The following ZNF679 variants were observed in gnomAD, a reference collection of about 807,000 sequenced individuals.
ZNF679 encodes zinc finger protein 679.
A neutral mutation model predicts 13.4 loss-of-function variants in ZNF679; 10 were observed. The observed-to-expected ratio is 0.75, with a 90% CI of 0.46 to 1.27. The LOEUF is 1.27. Among genes scored for constraint, ZNF679 ranks in the 50% most tolerant of loss-of-function variants. The pLI, the probability that ZNF679 is intolerant of heterozygous loss-of-function variation, is 0.00. For synonymous variants in ZNF679, 179 were observed against 162.5 expected (o/e 1.10, Z -0.77); for missense variants, 525 against 477.8 (o/e 1.10, Z -0.92).
At chr7:64,234,663 C>A (rs778556454) in intron 1 of ZNF679, among the ~76,000 whole-genome samples, 1 of 152,148 alleles carries the variant, frequency 6.6e-6, no homozygotes, top group African/African-American at 2.4e-5. Context: ...TAGAGCCCAA[C>A]GGAGTCTTCT....
At chr7:64,262,937 C>G (rs549628509) in intron 4 of ZNF679, among the ~76,000 whole-genome samples, 1 of 152,042 alleles carries the variant, frequency 6.6e-6, no homozygotes, top group African/African-American at 2.4e-5. Context: ...GACCCCTGAG[C>G]AAAAATATTA....
Position 64,252,869 on chromosome 7 carries a change from C to T in ZNF679, c.39+3713C>T, listed in dbSNP as rs535042869. The stretch of plus-strand genomic sequence containing the variant: ...GGTAGCTGGGATTACAGGCACCTGC[C>T]GCCATGCCCGGCTAATTTCTGTATT... On this transcript the variant is annotated intron_variant, in intron 2 of 4. Coordinates refer to ENST00000421025, the MANE Select transcript of ZNF679 (RefSeq NM_153363.3). 2.0e-5 allele frequency among the ~76,000 whole-genome samples: 3 copies of T among 152,306 alleles called. No homozygotes were observed. The South Asian group carries it at 6.2e-4, about 32-fold the overall frequency.
intron 4 of ZNF679, among the ~76,000 whole-genome samples, chr7:64,262,354 C>T (rs888652095): frequency 1.3e-5 from 2 of 152,170 alleles, no homozygotes; most frequent in Non-Finnish European, 2.9e-5. Flanking sequence ...TTTTCCTGTT[C>T]TTCTCTTTGT....
In ZNF679 at chr7:64,242,226, C is replaced by T. The variant is rs111481150; in HGVS notation, c.-90-6802C>T. On this transcript the variant is annotated intron_variant, in intron 1 of 4. Coordinates refer to ENST00000421025, the MANE Select transcript of ZNF679 (RefSeq NM_153363.3). Reference sequence around the variant, plus strand: ...TGAGTGTGAGATTCAGGACATTTTACGAAGGCTGTGTTCATGTGAGAGGGT... The same window carrying T: ...TGAGTGTGAGATTCAGGACATTTTATGAAGGCTGTGTTCATGTGAGAGGGT... 4.4e-3 allele frequency among the ~76,000 whole-genome samples: 669 copies of T among 152,262 alleles called. 4 individuals are homozygous for T. The highest frequency in any genetic ancestry group is 0.015 in the African/African-American group (629 of 41,556).
chr7:64,232,609 C>T (rs1013872728), intron 1 of ZNF679, among the ~76,000 whole-genome samples: 21 of 152,106 alleles, frequency 1.4e-4, no homozygotes, highest in Non-Finnish European at 4.4e-5. Context: ...GTGCTTGGCC[C>T]CGTGATATGG....
At chr7:64,235,425 AT>A (rs765755167) in intron 1 of ZNF679, among the ~76,000 whole-genome samples, 38 of 152,160 alleles carry the variant, frequency 2.5e-4, no homozygotes, top group Non-Finnish European at 4.7e-4. Context: ...AAGATGTCAA[AT>A]AAAAAACATA....
intron 2 of ZNF679, among the ~76,000 whole-genome samples, chr7:64,254,884 C>T (rs1252564448): frequency 2.0e-5 from 3 of 151,188 alleles, no homozygotes; most frequent in Non-Finnish European, 4.4e-5. Flanking sequence ...CCTGTAATCC[C>T]AGCTACTCAG....
intron 4 of ZNF679, among the ~76,000 whole-genome samples, chr7:64,264,452 A>G (rs1788118533): frequency 6.6e-6 from 1 of 152,002 alleles, no homozygotes. Flanking sequence ...TTGTATATGC[A>G]TATGTTTTTC....
intron 4 of ZNF679, among the ~76,000 whole-genome samples, chr7:64,262,193 T>G (rs1788085878): frequency 6.6e-6 from 1 of 152,180 alleles, no homozygotes; most frequent in East Asian, 1.9e-4. Flanking sequence ...TCAGTTATTG[T>G]TGTCTACTTC....
chr7:64,246,251 A>G (rs1787867847), intron 1 of ZNF679, among the ~76,000 whole-genome samples: 1 of 152,212 alleles, frequency 6.6e-6, no homozygotes, highest in Admixed American at 6.5e-5. Flanking sequence ...GTATTAACCC[A>G]ATCCCATTCT....
intron 1 of ZNF679, among the ~76,000 whole-genome samples, chr7:64,238,780 T>G (rs1787758113): frequency 6.6e-6 from 1 of 152,166 alleles, no homozygotes; most frequent in Admixed American, 6.5e-5. Flanking sequence ...CAATAACAAT[T>G]ACATCCTACA....
chr7:64,263,232 C>G (rs1044362670), intron 4 of ZNF679, among the ~76,000 whole-genome samples: 3 of 152,070 alleles, frequency 2.0e-5, no homozygotes, highest in African/African-American at 7.2e-5. Context: ...GCTGACATTA[C>G]AGACATACCC....
chr7:64,265,968 C>T lies in ZNF679; in HGVS notation c.335C>T (p.Pro112Leu). 1 of 1,613,624 alleles carries T rather than the reference C, an allele frequency of 6.2e-7. No individual in the cohort carries two copies. The highest frequency in any genetic ancestry group is 8.5e-7 in the Non-Finnish European group (1 of 1,179,834). The change falls in exon 5 of 5, where the codon CCA becomes CTA. Residue 112 changes from proline to leucine, a missense_variant. Physicochemically the swap from Pro to Leu is moderately conservative, Grantham distance 98. Transcript: ENST00000421025. Reference sequence around the variant, plus strand: ...AAAGATTCACTCCAAAAAGTAATACCAAGAAGATATGGAAAAAGTGGACAT... The same window carrying T: ...AAAGATTCACTCCAAAAAGTAATACTAAGAAGATATGGAAAAAGTGGACAT... ...GIKDSLQKVI[P>L]RRYGKSGHDN...
In ZNF679 at chr7:64,266,477, A is replaced by T; in HGVS notation, c.844A>T (p.Thr282Ser). The T allele has an allele frequency of 6.2e-7, 1 of 1,613,706 alleles. No individual in the cohort carries two copies. Among genetic ancestry groups the T allele is most frequent in the African/African-American group, 1.3e-5 (1 of 75,038 alleles). Residue 282 changes from threonine to serine, a missense_variant, in exon 5 of 5, where the codon ACA (threonine) becomes TCA (serine). Transcript: ENST00000421025. ...ECGQAFSRSS[T>S]LANHKRIHTG... ...TGGCCAAGCCTTTAGCCGCTCCTCAACACTTGCTAACCACAAGAGAATTCA... is the reference window on the plus strand; with the variant it reads ...TGGCCAAGCCTTTAGCCGCTCCTCATCACTTGCTAACCACAAGAGAATTCA...
chr7:64,263,115 G>A (rs979949501), intron 4 of ZNF679, among the ~76,000 whole-genome samples: 1 of 151,900 alleles, frequency 6.6e-6, no homozygotes, highest in South Asian at 2.1e-4. Context: ...TTTTACACGG[G>A]GTTTCTCACT....
At chr7:64,263,124 C>G (rs769445316) in intron 4 of ZNF679, among the ~76,000 whole-genome samples, 23 of 152,058 alleles carry the variant, frequency 1.5e-4, no homozygotes, top group Non-Finnish European at 2.9e-4. Flanking sequence ...GGGTTTCTCA[C>G]TCTGTTGCCC....
Position 64,236,850 on chromosome 7 carries a change from C to T in ZNF679, c.-91+8198C>T, listed in dbSNP as rs570224490. Among the ~76,000 whole-genome samples the T allele has an allele frequency of 6.0e-4, 45 of 75,540 alleles. 2 individuals are homozygous for T. The East Asian group carries it at 0.015, about 26-fold the overall frequency. The allele number at this position is 75,540 out of a possible 152,430, so 49.6% of individuals were successfully genotyped here. On this transcript the variant is annotated intron_variant, in intron 1 of 4. Coordinates refer to ENST00000421025, the MANE Select transcript of ZNF679 (RefSeq NM_153363.3). Reference sequence around the variant, plus strand: ...AGAAGGAAAAAAGGAGAGAAAGAAACAAAAGAAAGAAAAAAAGAAAGAAGA... The same window carrying T: ...AGAAGGAAAAAAGGAGAGAAAGAAATAAAAGAAAGAAAAAAAGAAAGAAGA...
chr7:64,266,468 C>T lies in ZNF679; in HGVS notation c.835C>T (p.Arg279Cys), dbSNP rs201186568. 7.4e-4 allele frequency: 1,196 copies of T among 1,610,082 alleles called. 7 individuals are homozygous for T. In the Middle Eastern group the frequency reaches 8.6e-3, roughly 12 times the overall value. The change falls in exon 5 of 5, where the codon CGC (arginine) becomes TGC (cysteine). Residue 279 changes from arginine to cysteine, a missense_variant. By Grantham distance (180) the Arg-to-Cys change is radical. Transcript: ENST00000421025. The stretch of plus-strand genomic sequence containing the variant: ...TGAAGAATGTGGCCAAGCCTTTAGC[C>T]GCTCCTCAACACTTGCTAACCACAA... ...TCEECGQAFS[R>C]SSTLANHKRI...
intron 1 of ZNF679, among the ~76,000 whole-genome samples, chr7:64,236,979 G>GAA (rs1268834266): frequency 0.015 from 962 of 63,658 alleles, 3 homozygotes; most frequent in Non-Finnish European, 0.019. Flanking sequence ...GAAAGAAAAA[G>GAA]AAAGAAAGAA....
Sources: gnomAD v4.1 joint callset for allele counts (sites outside exome capture counted in the v4.1 genomes callset) on GRCh38, gnomAD v4.1.1 for gene constraint, MANE v1.5 for transcripts, NCBI Gene and HGNC (gene_info 2026-07-23, HGNC 2026-07-21) for gene names.